Variants in DGKH observed in about 807,000 individuals in gnomAD.
DGKH encodes the protein DAG kinase eta.
A neutral mutation model predicts 159.3 loss-of-function variants in DGKH; 90 were observed. That is an observed-to-expected ratio of 0.57 (90% CI 0.48 to 0.67). The LOEUF (loss-of-function observed/expected upper bound fraction) is 0.67, where lower values mean the gene tolerates loss of function less well. Among genes scored for constraint, DGKH ranks in the 30% least tolerant of loss-of-function variants. The pLI is 0.00. For synonymous variants in DGKH, 536 were observed against 553.8 expected (o/e 0.97, Z 0.45); for missense variants, 1,181 against 1,506.1 (o/e 0.78, Z 3.57).
intron 3 of DGKH, among the ~76,000 whole-genome samples, chr13:42,144,131 C>A (rs903811840): frequency 6.6e-6 from 1 of 152,190 alleles, no homozygotes; most frequent in Admixed American, 6.5e-5. Flanking sequence ...TCTATCCTGG[C>A]TAGCATGATG....
chr13:42,114,508 C>T (rs1442863835), intron 1 of DGKH, among the ~76,000 whole-genome samples: 4 of 152,152 alleles, frequency 2.6e-5, no homozygotes, highest in Admixed American at 6.5e-5. Context: ...CCTCTGCTCT[C>T]GCTGAGCATG....
At chr13:42,201,416 A>G (rs1217172039) in intron 20 of DGKH, among the ~76,000 whole-genome samples, 1 of 152,172 alleles carries the variant, frequency 6.6e-6, no homozygotes, top group Non-Finnish European at 1.5e-5. Flanking sequence ...CAATTTATTA[A>G]GTGCTGTGAT....
chr13:42,138,465 G>C (rs1242354700), intron 3 of DGKH, among the ~76,000 whole-genome samples: 1 of 152,208 alleles, frequency 6.6e-6, no homozygotes, highest in African/African-American at 2.4e-5. Context: ...ACAGTGCCTG[G>C]CACAGAGGGA....
chr13:42,215,792 G>A, intron 26 of DGKH, 125 bp downstream of exon 26: 1 of 765,370 alleles, frequency 1.3e-6, no homozygotes. Flanking sequence ...CATCCTGAGA[G>A]CTGCCTCTTC....
chr13:42,184,348 A>G (rs907947236), intron 13 of DGKH, among the ~76,000 whole-genome samples: 3 of 152,184 alleles, frequency 2.0e-5, no homozygotes, highest in Non-Finnish European at 4.4e-5. Flanking sequence ...CCACACTTTA[A>G]GAAATTAAGT....
intron 1 of DGKH, among the ~76,000 whole-genome samples, chr13:42,060,510 C>T (rs533658047): frequency 5.3e-5 from 8 of 152,156 alleles, no homozygotes; most frequent in Non-Finnish European, 1.2e-4. Flanking sequence ...TCATTCCCGG[C>T]CAAATTTTGC....
At chr13:42,256,154 G>A (rs1408391819) in intron 30 of DGKH, 4 of 1,194,030 alleles carry the variant, frequency 3.4e-6, no homozygotes, top group Non-Finnish European at 5.0e-6. Flanking sequence ...CATGGTTGTA[G>A]CCCAAGTCAT....
chr13:42,198,751 A>C (rs931449219), intron 18 of DGKH, among the ~76,000 whole-genome samples, 156 bp downstream of exon 18: 1 of 152,006 alleles, frequency 6.6e-6, no homozygotes, highest in Non-Finnish European at 1.5e-5. Flanking sequence ...TGCCAAGCAC[A>C]TTGAGTCTTT....
At chr13:42,207,139 TTCC>T (rs57474689) in intron 21 of DGKH, among the ~76,000 whole-genome samples, 1 of 31,862 alleles carries the variant, frequency 3.1e-5, no homozygotes, top group African/African-American at 1.0e-4. Flanking sequence ...CCTTCCTTCC[TTCC>T]TTCCTTCCTT....
intron 7 of DGKH, among the ~76,000 whole-genome samples, chr13:42,163,514 C>G (rs896653662): frequency 3.6e-4 from 55 of 152,234 alleles, no homozygotes; most frequent in Non-Finnish European, 6.3e-4. Context: ...CACATCCTCT[C>G]CAGCACCTGT....
chr13:42,134,026 T>C (rs1955346816), intron 3 of DGKH, among the ~76,000 whole-genome samples: 1 of 152,150 alleles, frequency 6.6e-6, no homozygotes, highest in Non-Finnish European at 1.5e-5. Flanking sequence ...ATTTCAGCCA[T>C]CCCTCCTCTT....
chr13:42,252,178 C>A (rs1035023196), intron 29 of DGKH, among the ~76,000 whole-genome samples: 2 of 150,922 alleles, frequency 1.3e-5, no homozygotes, highest in Non-Finnish European at 2.9e-5. Context: ...ACAGAATTAC[C>A]TGTTCTTTGA....
chr13:42,055,854 G>A (rs1049461660), intron 1 of DGKH, among the ~76,000 whole-genome samples: 2 of 152,194 alleles, frequency 1.3e-5, no homozygotes, highest in African/African-American at 4.8e-5. Context: ...TTTAGTCACT[G>A]GAAACACATT....
intron 24 of DGKH, among the ~76,000 whole-genome samples, chr13:42,211,030 A>G (rs1957645143): frequency 6.6e-6 from 1 of 152,228 alleles, no homozygotes; most frequent in South Asian, 2.1e-4. Flanking sequence ...CCTGTTCCAG[A>G]GAAGAGTCAG....
At chr13:42,245,732 C>T (rs911608971), downstream of DGKH, among the ~76,000 whole-genome samples, 3 of 151,996 alleles carry the variant, frequency 2.0e-5, no homozygotes, top group Non-Finnish European at 2.9e-5. Context: ...ACTACAGGCA[C>T]GCGCCAACAC....
chr13:42,151,063 G>A (rs1396139313), intron 3 of DGKH, among the ~76,000 whole-genome samples: 1 of 152,090 alleles, frequency 6.6e-6, no homozygotes, highest in Non-Finnish European at 1.5e-5. Flanking sequence ...CAAAGACATG[G>A]ATTCTCCTCT....
At chr13:42,079,288 A>T (rs1337680573) in intron 1 of DGKH, among the ~76,000 whole-genome samples, 1 of 152,078 alleles carries the variant, frequency 6.6e-6, no homozygotes, top group Non-Finnish European at 1.5e-5. Flanking sequence ...GTATATTTTT[A>T]AAAAATATAT....
intron 1 of DGKH, among the ~76,000 whole-genome samples, chr13:42,118,617 G>T (rs1255440516): frequency 6.6e-6 from 1 of 152,234 alleles, no homozygotes. Flanking sequence ...CCCCTACGGG[G>T]TCAAGGACGC....
At chr13:42,165,457 G>A (rs755436813) in intron 8 of DGKH, 24 bp downstream of exon 8, 49 of 1,307,678 alleles carry the variant, frequency 3.7e-5, no homozygotes, top group Non-Finnish European at 4.8e-5. Flanking sequence ...GTGTAAGTAC[G>A]TATATTTCTG....
Sources: gnomAD v4.1 joint callset for allele counts (sites outside exome capture counted in the v4.1 genomes callset) on GRCh38, gnomAD v4.1.1 for gene constraint, MANE v1.5 for transcripts, NCBI Gene and HGNC (gene_info 2026-07-23, HGNC 2026-07-21) for gene names.